OXR1: variants seen among roughly 807,000 people sequenced by gnomAD.
The protein encoded by OXR1 is oxidation resistance protein 1.
Under a neutral mutation model 104.6 loss-of-function variants are expected in OXR1, and 41 were observed. The observed-to-expected ratio is 0.39, with a 90% CI of 0.31 to 0.51. OXR1 has a LOEUF of 0.51. Among genes scored for constraint, OXR1 ranks in the 20% least tolerant of loss-of-function variants. The pLI, the probability that OXR1 is intolerant of heterozygous loss-of-function variation, is 0.77. For synonymous variants in OXR1, 348 were observed against 348.4 expected (o/e 1.00, Z 0.01); for missense variants, 955 against 1,031.9 (o/e 0.93, Z 1.02).
intron 2 of OXR1, among the ~76,000 whole-genome samples, chr8:106,385,988 G>A (rs1332164270): frequency 6.6e-6 from 1 of 152,124 alleles, no homozygotes; most frequent in Non-Finnish European, 1.5e-5. Context: ...GTGAAAATGA[G>A]GTACGGGCAT....
In OXR1 at chr8:106,501,470, C is replaced by T. The variant is rs116979439; in HGVS notation, c.24-17473C>T. 5.3e-3 allele frequency among the ~76,000 whole-genome samples: 814 copies of T among 152,234 alleles called. 7 individuals carry two copies. Among genetic ancestry groups the T allele is most frequent in the Non-Finnish European group, 8.4e-3 (568 of 68,014 alleles). On this transcript the variant is annotated intron_variant, in intron 2 of 16. Transcript: ENST00000517566. ...GATGAGAAGCCAATGGAGTGACGGA[C>T]ACGATCTGAATTATGTTTTTTAAAA... is the stretch of plus-strand genomic sequence containing the variant.
chr8:106,546,931 C>T (rs1485553603), intron 3 of OXR1, among the ~76,000 whole-genome samples: 3 of 152,140 alleles, frequency 2.0e-5, no homozygotes, highest in Non-Finnish European at 2.9e-5. Context: ...CTCACTATGT[C>T]GCCAGGCTGG....
At chr8:106,374,167 G>GAC (rs1283780791) in intron 2 of OXR1, among the ~76,000 whole-genome samples, 3 of 152,104 alleles carry the variant, frequency 2.0e-5, no homozygotes, top group African/African-American at 7.2e-5. Context: ...TCTTTTACTA[G>GAC]ACACACATAG....
At chr8:106,663,209 C>G (rs1173007706) in intron 3 of OXR1, among the ~76,000 whole-genome samples, 1 of 152,082 alleles carries the variant, frequency 6.6e-6, no homozygotes, top group East Asian at 1.9e-4. Context: ...TGACATAGTA[C>G]TATTATTATC....
At chr8:106,354,077 A>G (rs1815854637) in intron 1 of OXR1, among the ~76,000 whole-genome samples, 1 of 151,188 alleles carries the variant, frequency 6.6e-6, no homozygotes, top group African/African-American at 2.4e-5. Context: ...CTTTCTTTTG[A>G]GAAATGTCCA....
chr8:106,547,496 T>TC (rs1342342580), intron 3 of OXR1, among the ~76,000 whole-genome samples: 249 of 126,976 alleles, frequency 2.0e-3, no homozygotes, highest in African/African-American at 6.1e-3. Flanking sequence ...TTCTTTCTTT[T>TC]TTTTTTTTTT....
chr8:106,659,098 C>A, intron 3 of OXR1, among the ~76,000 whole-genome samples: 1 of 152,150 alleles, frequency 6.6e-6, no homozygotes, highest in East Asian at 1.9e-4. Flanking sequence ...AACTCCACAT[C>A]GTGCCAGTCA....
At chr8:106,678,894 G>A (rs967593324) in intron 3 of OXR1, among the ~76,000 whole-genome samples, 1 of 151,818 alleles carries the variant, frequency 6.6e-6, no homozygotes, top group Non-Finnish European at 1.5e-5. Flanking sequence ...AAAATGTGTT[G>A]GTATTATAAT....
intron 1 of OXR1, among the ~76,000 whole-genome samples, chr8:106,287,565 G>T (rs1034322659): frequency 3.3e-5 from 5 of 151,794 alleles, no homozygotes; most frequent in Admixed American, 1.3e-4. Flanking sequence ...ATCATAGAAT[G>T]TACTAAGGTG....
chr8:106,646,455 A>C (rs1178938650), intron 3 of OXR1, among the ~76,000 whole-genome samples: 1 of 152,212 alleles, frequency 6.6e-6, no homozygotes, highest in Non-Finnish European at 1.5e-5. Context: ...CCAAAAAATT[A>C]GCTAAAAGCT....
chr8:106,696,898 C>T (rs535896330), intron 7 of OXR1, among the ~76,000 whole-genome samples: 54 of 152,246 alleles, frequency 3.5e-4, no homozygotes, highest in African/African-American at 1.2e-3. Flanking sequence ...GGAAGGCTGC[C>T]CCAGATGTGT....
chr8:106,525,003 A>G (rs537667421), intron 3 of OXR1, among the ~76,000 whole-genome samples: 3 of 152,284 alleles, frequency 2.0e-5, no homozygotes, highest in Non-Finnish European at 2.9e-5. Context: ...GTCTGTCTCC[A>G]TACTGGTTCT....
chr8:106,302,491 C>A (rs1429956927), intron 1 of OXR1, among the ~76,000 whole-genome samples: 1 of 150,360 alleles, frequency 6.7e-6, no homozygotes, highest in East Asian at 2.0e-4. Flanking sequence ...GAGGCTGAGG[C>A]AGGGGAATGG....
intron 3 of OXR1, among the ~76,000 whole-genome samples, chr8:106,563,200 T>C (rs181967593): frequency 6.7e-4 from 102 of 151,418 alleles, no homozygotes; most frequent in Non-Finnish European, 1.1e-3. Context: ...TCAAGACCCA[T>C]TGGTGTGCTG....
intron 2 of OXR1, among the ~76,000 whole-genome samples, chr8:106,497,067 T>C (rs981016665): frequency 6.6e-6 from 1 of 152,172 alleles, no homozygotes; most frequent in Non-Finnish European, 1.5e-5. Flanking sequence ...GGACGCTCAG[T>C]GTTAGATTTA....
chr8:106,393,995 A>G (rs1186592328), intron 2 of OXR1, among the ~76,000 whole-genome samples: 1 of 152,108 alleles, frequency 6.6e-6, no homozygotes, highest in Non-Finnish European at 1.5e-5. Flanking sequence ...TAAGATAATA[A>G]TGGGACACAA....
chr8:106,440,232 C>T (rs1333471315), intron 2 of OXR1, among the ~76,000 whole-genome samples: 2 of 151,958 alleles, frequency 1.3e-5, no homozygotes, highest in African/African-American at 4.8e-5. Flanking sequence ...CACCCTACCC[C>T]AAAAAGCTAT....
intron 8 of OXR1, 119 bp from the exon 9 acceptor site, chr8:106,706,263 C>A: frequency 1.7e-6 from 1 of 588,278 alleles, no homozygotes; most frequent in Non-Finnish European, 2.8e-6. Context: ...TTTGGAGATA[C>A]GTGCTACATC....
At chr8:106,553,325 T>C (rs1283071278) in intron 3 of OXR1, among the ~76,000 whole-genome samples, 1 of 151,550 alleles carries the variant, frequency 6.6e-6, no homozygotes, top group African/African-American at 2.4e-5. Context: ...TTCTTCTTTT[T>C]TTTTTTTTTT....
Sources: gnomAD v4.1 joint callset for allele counts (sites outside exome capture counted in the v4.1 genomes callset) on GRCh38, gnomAD v4.1.1 for gene constraint, MANE v1.5 for transcripts, NCBI Gene and HGNC (gene_info 2026-07-23, HGNC 2026-07-21) for gene names.